PCDH15: variants seen among roughly 807,000 people sequenced by gnomAD.
The protein encoded by PCDH15 is protocadherin related 15, also known as protocadherin-15.
Under a neutral mutation model 178.5 loss-of-function variants are expected in PCDH15, and 129 were observed. That is an observed-to-expected ratio of 0.72 (90% CI 0.63 to 0.84). The LOEUF (loss-of-function observed/expected upper bound fraction) is 0.84. Ranked by LOEUF, PCDH15 falls within the 40% of genes least tolerant of loss-of-function variation. PCDH15 has a pLI of 0.00. For missense variants in PCDH15, 2,230 were observed against 2,099.9 expected, an observed-to-expected ratio of 1.06 and a Z score of -1.21; for synonymous variants, 800 against 732.0, an observed-to-expected ratio of 1.09 and a Z score of -1.50.
intron 2 of PCDH15, among the ~76,000 whole-genome samples, chr10:54,930,338 T>A (rs749290422): frequency 6.6e-6 from 1 of 152,170 alleles, no homozygotes; most frequent in Non-Finnish European, 1.5e-5. Flanking sequence ...AGTGCTTCAC[T>A]GTAGGACCGG....
At chr10:55,442,957 T>C (rs1839230897) in intron 2 of PCDH15, among the ~76,000 whole-genome samples, 1 of 152,084 alleles carries the variant, frequency 6.6e-6, no homozygotes, top group Non-Finnish European at 1.5e-5. Flanking sequence ...ATAGTACAAA[T>C]CTAGGATAAA....
chr10:54,081,087 A>C (rs1436195068), intron 16 of PCDH15, among the ~76,000 whole-genome samples: 1 of 152,146 alleles, frequency 6.6e-6, no homozygotes, highest in Non-Finnish European at 1.5e-5. Flanking sequence ...ATTTACGATG[A>C]ATTACAAAAC....
intron 32 of PCDH15, chr10:53,822,673 A>T: frequency 6.2e-7 from 1 of 1,614,020 alleles, no homozygotes; most frequent in Non-Finnish European, 8.5e-7. Context: ...TTAGGTTCTG[A>T]TTTGAGTTCC....
chr10:54,655,432 T>G (rs1342887822), intron 2 of PCDH15: 3 of 40,574 alleles, frequency 7.4e-5, no homozygotes, highest in Admixed American at 6.1e-4. Flanking sequence ...TGGTGGGGTG[T>G]GTGTGTGTGT....
chr10:53,822,771 T>C (rs751697690), intron 32 of PCDH15: 1 of 1,614,012 alleles, frequency 6.2e-7, no homozygotes, highest in Admixed American at 1.7e-5. Flanking sequence ...AGATTTCAAC[T>C]GTTCTGTTCC....
At chr10:54,336,998 T>C (rs951743863) in intron 6 of PCDH15, among the ~76,000 whole-genome samples, 3 of 152,096 alleles carry the variant, frequency 2.0e-5, no homozygotes, top group Admixed American at 6.5e-5. Flanking sequence ...ATGTGAGACA[T>C]GGTGTCAAAG....
intron 14 of PCDH15, among the ~76,000 whole-genome samples, chr10:54,133,563 C>T (rs2042627994): frequency 6.6e-6 from 1 of 152,104 alleles, no homozygotes; most frequent in Non-Finnish European, 1.5e-5. Context: ...GTTTTAAAAT[C>T]TTCTCTAAAA....
chr10:54,724,333 A>G (rs1481996439), intron 1 of PCDH15, among the ~76,000 whole-genome samples: 1 of 151,704 alleles, frequency 6.6e-6, no homozygotes, highest in Non-Finnish European at 1.5e-5. Context: ...CAAGAGGTAC[A>G]TATAGATGCA....
At chr10:53,979,087 C>A (rs963660780) in intron 21 of PCDH15, among the ~76,000 whole-genome samples, 6 of 152,136 alleles carry the variant, frequency 3.9e-5, no homozygotes, top group Non-Finnish European at 8.8e-5. Flanking sequence ...TACAGCAGTG[C>A]CACTCTACCT....
In PCDH15 at chr10:54,378,871, A is replaced by C; in HGVS notation, c.229T>G (p.Leu77Val). The C allele has an allele frequency of 6.2e-7, 1 of 1,613,846 alleles. No individual in the cohort carries two copies. Among genetic ancestry groups the C allele is most frequent in the East Asian group, 2.2e-5 (1 of 44,864 alleles). ...GGPDPTIELSLKDNVDYWVLM... is the reference protein window; with the variant it reads ...GGPDPTIELSVKDNVDYWVLM... ...ACCCAGTAATCCACATTATCCTTTA[A>C]AGAAAGTTCTATGGTGGGGTCTGGT... The change falls in exon 4 of 38, where the codon TTA becomes GTA. Residue 77 changes from leucine (L) to valine (V), a missense_variant. Transcript: ENST00000644397.
chr10:54,734,926 G>A (rs891211071), intron 1 of PCDH15, among the ~76,000 whole-genome samples: 3 of 151,934 alleles, frequency 2.0e-5, no homozygotes, highest in African/African-American at 7.2e-5. Context: ...AACTATTTCA[G>A]TATCTTTATT....
intron 26 of PCDH15, among the ~76,000 whole-genome samples, chr10:53,898,074 C>CG (rs1371498730): frequency 1.7e-5 from 1 of 58,054 alleles, no homozygotes; most frequent in East Asian, 4.7e-4. Flanking sequence ...TCATGCCAAT[C>CG]TCCTGCCTCA....
chr10:53,906,963 A>C (rs1438797635), intron 25 of PCDH15: 1 of 152,170 alleles, frequency 6.6e-6, no homozygotes, highest in Admixed American at 6.5e-5. Context: ...TCACTGGGAC[A>C]ATTATAAGAA....
chr10:55,045,675 A>T (rs910338846), intron 2 of PCDH15, among the ~76,000 whole-genome samples: 3 of 152,158 alleles, frequency 2.0e-5, no homozygotes, highest in Non-Finnish European at 4.4e-5. Flanking sequence ...CTTTAAGAGA[A>T]CAAAATTCTG....
At chr10:55,331,460 G>A (rs910661968) in intron 2 of PCDH15, among the ~76,000 whole-genome samples, 2 of 151,934 alleles carry the variant, frequency 1.3e-5, no homozygotes, top group East Asian at 3.9e-4. Context: ...AAAAAGGAAT[G>A]ATATGTATCT....
At chr10:54,391,854 C>T (rs1451052896) in intron 3 of PCDH15, among the ~76,000 whole-genome samples, 1 of 152,154 alleles carries the variant, frequency 6.6e-6, no homozygotes, top group Non-Finnish European at 1.5e-5. Context: ...CACATTACCT[C>T]CTCAAGGCAT....
At chr10:54,813,804 T>G (rs1404419950) in intron 3 of PCDH15, among the ~76,000 whole-genome samples, 1 of 152,168 alleles carries the variant, frequency 6.6e-6, no homozygotes, top group East Asian at 1.9e-4. Flanking sequence ...TAGAATCCAT[T>G]ACTGTTTTCT....
chr10:54,579,273 A>G (rs867942453), intron 2 of PCDH15, among the ~76,000 whole-genome samples: 28 of 152,110 alleles, frequency 1.8e-4, no homozygotes, highest in African/African-American at 6.3e-4. Flanking sequence ...AACAACACCC[A>G]TAGTTCAAGG....
At chr10:53,832,180 A>G (rs2077054759) in intron 29 of PCDH15, among the ~76,000 whole-genome samples, 1 of 152,072 alleles carries the variant, frequency 6.6e-6, no homozygotes, top group East Asian at 1.9e-4. Flanking sequence ...TGATGCGAGT[A>G]GTATATCAGT....
Sources: gnomAD v4.1 joint callset for allele counts (sites outside exome capture counted in the v4.1 genomes callset) on GRCh38, gnomAD v4.1.1 for gene constraint, MANE v1.5 for transcripts, NCBI Gene and HGNC (gene_info 2026-07-23, HGNC 2026-07-21) for gene names.